MGAT5: variants seen among roughly 807,000 people sequenced by gnomAD.
The protein encoded by MGAT5 is alpha-1,6-mannosylglycoprotein 6-beta-N-acetylglucosaminyltransferase.
A neutral mutation model predicts 94.3 loss-of-function variants in MGAT5; 30 were observed. That is an observed-to-expected ratio of 0.32 (90% confidence interval 0.24 to 0.43). The LOEUF is 0.43. MGAT5 is among the 20% of genes least tolerant of loss of function. The pLI is 1.00. For synonymous variants in MGAT5, 310 were observed against 322.9 expected (o/e 0.96, Z 0.43); for missense variants, 691 against 905.5 (o/e 0.76, Z 3.04).
At chr2:134,409,240 C>G (rs993794868) in intron 11 of MGAT5, among the ~76,000 whole-genome samples, 1 of 152,214 alleles carries the variant, frequency 6.6e-6, no homozygotes, top group East Asian at 1.9e-4. Context: ...TGTACTATCT[C>G]ATGTAATCCT....
chr2:134,302,119 A>AT (rs542582121), intron 2 of MGAT5, among the ~76,000 whole-genome samples: 126 of 152,306 alleles, frequency 8.3e-4, no homozygotes, highest in African/African-American at 2.8e-3. Flanking sequence ...TAACTCTGTC[A>AT]TTGTACTACA....
intron 1 of MGAT5, among the ~76,000 whole-genome samples, chr2:134,196,415 A>C (rs1679496904): frequency 6.6e-6 from 1 of 151,950 alleles, no homozygotes; most frequent in South Asian, 2.1e-4. Flanking sequence ...AAAAAAAAAA[A>C]ACTATGGATC....
chr2:134,206,321 A>G (rs1257168), intron 1 of MGAT5, among the ~76,000 whole-genome samples: 100,507 of 152,152 alleles, frequency 0.66, 34,950 homozygotes, highest in African/African-American at 0.87. Flanking sequence ...AGAAGGAGCA[A>G]CATCTCTGGA....
At chr2:134,393,252 C>T (rs980064876) in intron 10 of MGAT5, among the ~76,000 whole-genome samples, 1 of 152,110 alleles carries the variant, frequency 6.6e-6, no homozygotes, top group Admixed American at 6.6e-5. Context: ...CTAAATTTTA[C>T]ACAAATATGG....
upstream of MGAT5, among the ~76,000 whole-genome samples, chr2:134,250,029 CT>C (rs112327969): frequency 5.7e-3 from 865 of 151,664 alleles, 11 homozygotes; most frequent in African/African-American, 0.02. Flanking sequence ...TTTTCATGTG[CT>C]TTTTTTTTCT....
upstream of MGAT5, among the ~76,000 whole-genome samples, chr2:134,250,757 C>G (rs1682542518): frequency 6.6e-6 from 1 of 152,168 alleles, no homozygotes; most frequent in Admixed American, 6.5e-5. Context: ...CAGAACTGTA[C>G]TCTGAACTCC....
chr2:134,268,627 T>A lies in MGAT5; in HGVS notation c.242-1759T>A, dbSNP rs1037183082. Among the ~76,000 whole-genome samples the A allele has an allele frequency of 6.6e-6, 1 of 152,240 alleles. No homozygotes were observed. The highest frequency in any genetic ancestry group is 1.5e-5 in the Non-Finnish European group (1 of 68,036). ...TGCATCACCTGAGGAGAGAGTTCTTTGGGAAGGATGAGAACATTTTCCAGT... is the reference window on the plus strand; with the variant it reads ...TGCATCACCTGAGGAGAGAGTTCTTAGGGAAGGATGAGAACATTTTCCAGT... On this transcript the variant is annotated intron_variant, in intron 1 of 15. Coordinates refer to ENST00000281923, the MANE Select transcript of MGAT5 (RefSeq NM_002410.5). This position sits in a 1 kb window ranked among gnomAD's most constrained non-coding sequence, Gnocchi z 4.1.
intron 9 of MGAT5, among the ~76,000 whole-genome samples, chr2:134,356,274 T>C (rs1024764252): frequency 6.6e-6 from 1 of 152,166 alleles, no homozygotes; most frequent in Admixed American, 6.5e-5. Flanking sequence ...TGGAGGTGTT[T>C]AGAACTTTCC....
At chr2:134,313,550 T>C (rs766664854) in intron 2 of MGAT5, among the ~76,000 whole-genome samples, 1 of 152,160 alleles carries the variant, frequency 6.6e-6, no homozygotes, top group Non-Finnish European at 1.5e-5. Context: ...AACCGAATCC[T>C]AAACAGAGCT....
At chr2:134,191,911 C>T (rs1023350259) in intron 1 of MGAT5, among the ~76,000 whole-genome samples, 10 of 146,680 alleles carry the variant, frequency 6.8e-5, no homozygotes, top group Non-Finnish European at 1.2e-4. Context: ...CTCCTGCTCA[C>T]GCCAGCGGCT....
At chr2:134,406,294 G>T (rs1393578263) in intron 11 of MGAT5, among the ~76,000 whole-genome samples, 1 of 152,182 alleles carries the variant, frequency 6.6e-6, no homozygotes, top group Non-Finnish European at 1.5e-5. Context: ...AACAAATTCT[G>T]GTTGTGGGGA....
intron 2 of MGAT5, among the ~76,000 whole-genome samples, chr2:134,314,519 G>A (rs1000115793): frequency 6.6e-6 from 1 of 152,114 alleles, no homozygotes; most frequent in African/African-American, 2.4e-5. Flanking sequence ...CTTCCTATAG[G>A]TTCCTCATGT....
chr2:134,223,068 A>G (rs1680869890), intron 1 of MGAT5, among the ~76,000 whole-genome samples: 1 of 152,182 alleles, frequency 6.6e-6, no homozygotes, highest in African/African-American at 2.4e-5. Flanking sequence ...TTTGTTACAA[A>G]GTATTTTATC....
intron 14 of MGAT5, among the ~76,000 whole-genome samples, chr2:134,437,096 C>G (rs1685205348): frequency 6.6e-6 from 1 of 152,226 alleles, no homozygotes; most frequent in South Asian, 2.1e-4. Flanking sequence ...TCAAGCAATT[C>G]TCCTGTCTTA....
intron 10 of MGAT5, among the ~76,000 whole-genome samples, chr2:134,379,443 C>A (rs187340641): frequency 6.6e-6 from 1 of 152,288 alleles, no homozygotes; most frequent in East Asian, 1.9e-4. Context: ...CTTGTCCTTG[C>A]TAGGAAACAT....
intron 1 of MGAT5, among the ~76,000 whole-genome samples, chr2:134,244,351 T>A (rs1682123932): frequency 6.6e-6 from 1 of 152,062 alleles, no homozygotes; most frequent in Non-Finnish European, 1.5e-5. Context: ...CCAGATTTGG[T>A]CTTGCTCAAA....
intron 1 of MGAT5, among the ~76,000 whole-genome samples, chr2:134,158,583 G>T (rs1302594364): frequency 6.6e-6 from 1 of 152,170 alleles, no homozygotes; most frequent in Non-Finnish European, 1.5e-5. Context: ...AAGAATGCAG[G>T]GATGCCCGGG....
chr2:134,172,740 A>G (rs1198154710), intron 1 of MGAT5, among the ~76,000 whole-genome samples: 1 of 152,174 alleles, frequency 6.6e-6, no homozygotes, highest in African/African-American at 2.4e-5. Context: ...CCCACTGCCT[A>G]AGGGGCAGAC....
chr2:134,323,956 A>T (rs1687490151), intron 4 of MGAT5, among the ~76,000 whole-genome samples: 1 of 152,036 alleles, frequency 6.6e-6, no homozygotes, highest in African/African-American at 2.4e-5. Flanking sequence ...TAAAGTAATT[A>T]CTCTGAATGT....
Sources: allele counts gnomAD v4.1 joint callset (sites outside exome capture counted in the v4.1 genomes callset), GRCh38; gene constraint gnomAD v4.1.1; non-coding constraint Gnocchi (gnomAD v3.1); transcripts MANE v1.5; gene names NCBI Gene and HGNC (gene_info 2026-07-23, HGNC 2026-07-21).